Variants in ARHGEF40 observed in about 807,000 individuals in gnomAD.
ARHGEF40 encodes Rho guanine nucleotide exchange factor 40.
A neutral mutation model predicts 165.9 loss-of-function variants in ARHGEF40; 98 were observed. That is an observed-to-expected ratio of 0.59 (90% CI 0.50 to 0.70). The LOEUF is 0.70. Among genes scored for constraint, ARHGEF40 ranks in the 30% least tolerant of loss-of-function variants. The pLI is 0.00. For missense variants in ARHGEF40, 1,815 were observed against 1,968.0 expected, an observed-to-expected ratio of 0.92 and a Z score of 1.47; for synonymous variants, 792 against 814.3, an observed-to-expected ratio of 0.97 and a Z score of 0.47.
rs779519083 is a variant in ARHGEF40, at chr14:21,080,796, G to A, written c.2496+14G>A. On this transcript the variant is annotated intron_variant, in intron 12 of 23. Coordinates refer to ENST00000298694, the MANE Select transcript of ARHGEF40 (RefSeq NM_018071.5). ...GCTGAGGTCCAGGTGAGAAGGGGCTGGAGGGCAGGTGAGAGGAGGCAGGGG... is the reference window on the plus strand; with the variant it reads ...GCTGAGGTCCAGGTGAGAAGGGGCTAGAGGGCAGGTGAGAGGAGGCAGGGG... The A allele has an allele frequency of 1.1e-5, 18 of 1,604,206 alleles. No homozygotes were observed. The highest frequency in any genetic ancestry group is 5.1e-5 in the Admixed American group (3 of 59,396).
rs1236038727 is a variant in ARHGEF40 at position 21,081,538 on chromosome 14, T to A, written c.2670T>A (p.Ala890=). 3.7e-6 allele frequency: 6 copies of A among 1,613,082 alleles called. No individual in the cohort carries two copies. In the South Asian group the frequency reaches 6.6e-5, roughly 18 times the overall value. ...ATGAATGGGTGGATGAGGGCTTTGC[T>A]CGGCTGGCAGGAGCTGGGCCGGGTC... ...QAHEWVDEGF[A]RLAGAGPGRE... The change falls in exon 14 of 24, where the codon GCT becomes GCA. Residue 890 remains alanine, a synonymous_variant. Coordinates refer to ENST00000298694, the MANE Select transcript of ARHGEF40 (RefSeq NM_018071.5).
chr14:21,069,350 C>T (rs1886487989), upstream of ARHGEF40, among the ~76,000 whole-genome samples: 1 of 152,214 alleles, frequency 6.6e-6, no homozygotes, highest in South Asian at 2.1e-4. Context: ...CCCATGGCCA[C>T]GAGCCCTAGC....
intron 16 of ARHGEF40, among the ~76,000 whole-genome samples, chr14:21,083,307 C>T (rs1243759761): frequency 4.0e-5 from 6 of 151,402 alleles, no homozygotes; most frequent in South Asian, 2.1e-4. Flanking sequence ...TTTGGGAGGC[C>T]GAGGCGGGTG....
chr14:21,068,626 A>G, upstream of ARHGEF40, among the ~76,000 whole-genome samples: 1 of 152,130 alleles, frequency 6.6e-6, no homozygotes, highest in South Asian at 2.1e-4. Context: ...AGGGGGTAGC[A>G]AAATCTCACT....
At position 21,076,788 on chromosome 14, in the gene ARHGEF40, G is replaced by A. The variant is rs767687200; in HGVS notation, c.1932G>A (p.Leu644=). The change falls in exon 8 of 24, where the codon CTG becomes CTA. Residue 644 remains leucine, a synonymous_variant. Transcript: ENST00000298694. ...ELCGFQGAEV[L]SENDLKRVAK... is the part of the protein sequence containing the mutation. ...ACCCTCTACAGGGTGCTGAGGTGCT[G>A]TCAGAGAATGATCTGAAAAGAGTGG... 3.1e-6 allele frequency: 5 copies of A among 1,614,144 alleles called. No individual in the cohort carries two copies. In the Admixed American group the frequency reaches 8.3e-5, roughly 27 times the overall value.
At chr14:21,067,536 G>A (rs555090025), upstream of ARHGEF40, among the ~76,000 whole-genome samples, 46 of 152,280 alleles carry the variant, frequency 3.0e-4, no homozygotes, top group African/African-American at 1.0e-3. Flanking sequence ...GTAGCTTAGA[G>A]AGAGTTTATT....
chr14:21,071,241 G>A (rs981634535), intron 1 of ARHGEF40, among the ~76,000 whole-genome samples: 1 of 152,304 alleles, frequency 6.6e-6, no homozygotes, highest in East Asian at 1.9e-4. Context: ...CAACAGGAGT[G>A]AACACTGCCC....
At chr14:21,084,719 CT>C in intron 17 of ARHGEF40, 33 bp from the exon 18 acceptor site, 1 of 1,601,086 alleles carries the variant, frequency 6.2e-7, no homozygotes, top group Non-Finnish European at 8.5e-7. Flanking sequence ...CAAAGGGCCC[CT>C]GGGCCAACCA....
chr14:21,062,708 A>AGTGTGT, the ARHGEF40 span, among the ~76,000 whole-genome samples: 23,624 of 130,840 alleles, frequency 0.18, 2,207 homozygotes, highest in Middle Eastern at 0.24. Context: ...GGCTGGGCAC[A>AGTGTGT]GTGTGTGTGT....
At chr14:21,080,235 C>T (rs1887778715) in intron 11 of ARHGEF40, among the ~76,000 whole-genome samples, 1 of 143,908 alleles carries the variant, frequency 6.9e-6, no homozygotes, top group Non-Finnish European at 1.5e-5. Context: ...CACACACACA[C>T]ACACACACAC....
chr14:21,080,899 C>T lies in ARHGEF40; in HGVS notation c.2523C>T (p.Ala841=), dbSNP rs1276550093. Residue 841 remains alanine, a synonymous_variant, in exon 13 of 24, where the codon GCC becomes GCT. Transcript: ENST00000298694. The part of the protein sequence containing the change: ...VQERLAQARE[A]LALEENATSQ... ...AGCGCCTGGCCCAGGCACGGGAGGCCCTGGCTCTGGAGGAGAATGCCACCT... is the reference window on the plus strand; with the variant it reads ...AGCGCCTGGCCCAGGCACGGGAGGCTCTGGCTCTGGAGGAGAATGCCACCT... 6.2e-7 allele frequency: 1 copy of T among 1,613,974 alleles called. No individual in the cohort carries two copies. The highest frequency in any genetic ancestry group is 1.3e-5 in the African/African-American group (1 of 74,924).
Position 21,074,143 on chromosome 14 carries a change from A to T in ARHGEF40, c.413A>T (p.Asn138Ile), listed in dbSNP as rs375419399. Reference sequence around the variant, plus strand: ...CGGGTGCAGGAGGTTCCTGTGCCCAATGAGGCTTGTGCCTACCTATTCACA... The same window carrying T: ...CGGGTGCAGGAGGTTCCTGTGCCCATTGAGGCTTGTGCCTACCTATTCACA... Reference protein sequence around the residue: ...GGRVQEVPVPNEACAYLFTPE... With the variant: ...GGRVQEVPVPIEACAYLFTPE... The change falls in exon 3 of 24, where the codon AAT becomes ATT. Residue 138 changes from asparagine (N) to isoleucine (I), a missense_variant. By Grantham distance (149) the Asn-to-Ile change is moderately radical (BLOSUM62 -3). Coordinates refer to ENST00000298694, the MANE Select transcript of ARHGEF40 (RefSeq NM_018071.5). The surrounding 1 kb of genome is among the most constrained non-coding windows in gnomAD (Gnocchi z 4.8). 3.1e-6 allele frequency: 5 copies of T among 1,614,120 alleles called. No homozygotes were observed. In the East Asian group the frequency reaches 1.1e-4, roughly 36 times the overall value.
At chr14:21,067,807 CT>C (rs1265376038), upstream of ARHGEF40, among the ~76,000 whole-genome samples, 1 of 151,906 alleles carries the variant, frequency 6.6e-6, no homozygotes, top group African/African-American at 2.4e-5. Context: ...AGCCTGCATT[CT>C]TTGGAGAAAG....
At position 21,087,597 on chromosome 14, in the gene ARHGEF40, C is replaced by T. The variant is rs190335871; in HGVS notation, c.4387+134C>T. On this transcript the variant is annotated intron_variant, in intron 21 of 23. Coordinates refer to ENST00000298694, the MANE Select transcript of ARHGEF40 (RefSeq NM_018071.5). The stretch of plus-strand genomic sequence containing the variant: ...TGACAACTATGTACAGCTTCCCCAC[C>T]GCTAAAAGAGCCTTCCATCTGGTTG... The T allele has an allele frequency of 3.8e-4, 490 of 1,284,702 alleles. 1 individual carries two copies. The highest frequency in any genetic ancestry group is 5.7e-4 in the Middle Eastern group (3 of 5,232). 79.6% of individuals were successfully genotyped at this position (1,284,702 alleles called of 1,614,324 possible).
At chr14:21,084,081 A>C in intron 17 of ARHGEF40, 31 bp downstream of exon 17, 2 of 1,565,620 alleles carry the variant, frequency 1.3e-6, no homozygotes, top group Non-Finnish European at 1.7e-6. Flanking sequence ...ACTGCTGCTC[A>C]AACTGCCCAG....
intron 22 of ARHGEF40, 78 bp downstream of exon 22, chr14:21,088,176 C>A: frequency 6.7e-7 from 1 of 1,500,842 alleles, no homozygotes; most frequent in Non-Finnish European, 8.9e-7. Context: ...ATCATTCAAC[C>A]CCAGGGGGGT....
In ARHGEF40 at chr14:21,075,498, G is replaced by A. The variant is rs77764649; in HGVS notation, c.1617G>A (p.Thr539=). ...TGGCATCTGGATTCCTCATCCTGAC[G>A]GGTCAGTGGGCATCAGTGGGTGAAG... ...DLMASGFLIL[T]GGVDQSGRAL... The change falls in exon 4 of 24, where the codon ACG becomes ACA. Residue 539 remains threonine, a splice_region_variant and synonymous_variant. Transcript: ENST00000298694. This position sits in a 1 kb window ranked among gnomAD's most constrained non-coding sequence, Gnocchi z 4.5. 4.5e-4 allele frequency: 721 copies of A among 1,614,122 alleles called. 2 individuals carry two copies. The African/African-American group carries it at 9.0e-3, about 20-fold the overall frequency.
At position 21,074,567 on chromosome 14, in the gene ARHGEF40, G is replaced by C; in HGVS notation, c.837G>C (p.Gly279=). The part of the protein sequence containing the change: ...RTVPTRKGAG[G]KGRHRRHRAW... ...TACCCACCCGCAAGGGCGCTGGAGG[G>C]AAGGGCCGCCACCGGAGACACCGGG... The change falls in exon 3 of 24, where the codon GGG becomes GGC. Residue 279 remains glycine, a synonymous_variant. Coordinates refer to ENST00000298694, the MANE Select transcript of ARHGEF40 (RefSeq NM_018071.5). The surrounding 1 kb of genome is among the most constrained non-coding windows in gnomAD (Gnocchi z 4.8). 6.4e-7 allele frequency: 1 copy of C among 1,555,098 alleles called. No individual in the cohort carries two copies.
Position 21,074,981 on chromosome 14 carries a change from G to C in ARHGEF40, c.1251G>C (p.Leu417=), listed in dbSNP as rs145341472. Residue 417 remains leucine (L), a synonymous_variant, in exon 3 of 24, where the codon CTG becomes CTC. Coordinates refer to ENST00000298694, the MANE Select transcript of ARHGEF40 (RefSeq NM_018071.5). This position sits in a 1 kb window ranked among gnomAD's most constrained non-coding sequence, Gnocchi z 4.8. Reference sequence around the variant, plus strand: ...GCCACCAAGAAGCCCTTGGCAATCTGCCCTCACCAAGTGAGCACAAGCTTC... The same window carrying C: ...GCCACCAAGAAGCCCTTGGCAATCTCCCCTCACCAAGTGAGCACAAGCTTC... ...DASHQEALGN[L]PSPSEHKLPE... 3 of 1,612,722 alleles carry C rather than the reference G, an allele frequency of 1.9e-6. No individual in the cohort carries two copies. The African/African-American group carries it at 4.0e-5, about 22-fold the overall frequency.
Sources: gnomAD v4.1 joint callset for allele counts (sites outside exome capture counted in the v4.1 genomes callset) on GRCh38, gnomAD v4.1.1 for gene constraint, Gnocchi (gnomAD v3.1) non-coding constraint, MANE v1.5 for transcripts, NCBI Gene and HGNC (gene_info 2026-07-23, HGNC 2026-07-21) for gene names.